Variants in EEF1AKMT1 observed in about 807,000 individuals in gnomAD.
The protein encoded by EEF1AKMT1 is N-6 adenine-specific DNA methyltransferase 2 (putative).
Under a neutral mutation model 21.0 loss-of-function variants are expected in EEF1AKMT1, and 18 were observed. The observed-to-expected ratio is 0.86, with a 90% CI of 0.59 to 1.27. The LOEUF (loss-of-function observed/expected upper bound fraction) is 1.27. Ranked by LOEUF, EEF1AKMT1 falls within the 50% of genes most tolerant of loss-of-function variation. The pLI, the probability that EEF1AKMT1 is intolerant of heterozygous loss-of-function variation, is 0.00. For missense variants in EEF1AKMT1, 246 were observed against 258.6 expected (o/e 0.95, Z 0.33); for synonymous variants, 109 against 94.8 (o/e 1.15, Z -0.87).
intron 1 of EEF1AKMT1, among the ~76,000 whole-genome samples, chr13:20,771,323 C>G (rs1463291352): frequency 6.6e-6 from 1 of 152,138 alleles, no homozygotes; most frequent in Non-Finnish European, 1.5e-5. Flanking sequence ...TTCCAAAGAG[C>G]AATTTAATAA....
intron 4 of EEF1AKMT1, 99 bp downstream of exon 4, chr13:20,731,742 G>A: frequency 1.6e-6 from 2 of 1,235,246 alleles, no homozygotes; most frequent in South Asian, 2.9e-5. Flanking sequence ...TTGTTCACAA[G>A]TCACACAGGA....
At chr13:20,734,478 A>G (rs79461937) in intron 3 of EEF1AKMT1, among the ~76,000 whole-genome samples, 1,920 of 152,360 alleles carry the variant, frequency 0.013, 45 homozygotes, top group African/African-American at 0.044. Context: ...TTGCACAGAG[A>G]TACGAGGATA....
At chr13:20,731,209 G>T (rs1280519613) in intron 4 of EEF1AKMT1, among the ~76,000 whole-genome samples, 1 of 152,184 alleles carries the variant, frequency 6.6e-6, no homozygotes, top group Admixed American at 6.5e-5. Context: ...ATGGAGTCTT[G>T]CTGTGTTGCC....
At position 20,730,829 on chromosome 13, in the gene EEF1AKMT1, GC is replaced by G. The variant is rs2058789151; in HGVS notation, c.508+1011del. On this transcript the variant is annotated intron_variant, in intron 4 of 4. Transcript: ENST00000382758. ...GGGAATAAAAGCTGGCCACCCCGCA[GC>G]CAGCAGTGCAACCAGGTGTTGTCCT... Among the ~76,000 whole-genome samples the G allele has an allele frequency of 9.8e-5, 15 of 152,330 alleles. No homozygotes were observed. The South Asian group carries it at 2.9e-3, about 29-fold the overall frequency.
intron 1 of EEF1AKMT1, among the ~76,000 whole-genome samples, chr13:20,767,347 T>G (rs2059041052): frequency 6.8e-6 from 1 of 146,818 alleles, no homozygotes; most frequent in Non-Finnish European, 1.5e-5. Flanking sequence ...TTCCAGCTGG[T>G]GTCATTTTCC....
chr13:20,739,177 T>C (rs866650215), intron 2 of EEF1AKMT1, among the ~76,000 whole-genome samples: 1 of 152,144 alleles, frequency 6.6e-6, no homozygotes, highest in Non-Finnish European at 1.5e-5. Context: ...AGTTGTTCTT[T>C]GCTCCCAGTG....
At chr13:20,747,459 A>G (rs2058911671) in intron 2 of EEF1AKMT1, 1 of 65,718 alleles carries the variant, frequency 1.5e-5, no homozygotes, top group Non-Finnish European at 3.2e-5. Flanking sequence ...AGTTAGGCAC[A>G]TTCTTTTTTT....
rs750094631 is a variant in EEF1AKMT1 at position 20,748,726 on chromosome 13, G to GTTTTTTTTTTTTTTTT, written c.144+8713_144+8728dup. On this transcript the variant is annotated intron_variant, in intron 2 of 4. Coordinates refer to ENST00000382758, the MANE Select transcript of EEF1AKMT1 (RefSeq NM_001318939.2). ...CCTAATGTATAGTTGTTTTTTTTTG[G>GTTTTTTTTTTTTTTTT]TTTTTTTTTTTTTTTTTTTTTGAGA... is the stretch of plus-strand genomic sequence containing the variant. Among the ~76,000 whole-genome samples the GTTTTTTTTTTTTTTTT allele has an allele frequency of 8.4e-4, 61 of 72,608 alleles. 1 individual carries two copies. Among genetic ancestry groups the GTTTTTTTTTTTTTTTT allele is most frequent in the African/African-American group, 2.0e-3 (32 of 15,788 alleles). 47.6% of individuals were successfully genotyped at this position (72,608 alleles called of 152,430 possible).
At chr13:20,748,533 C>A (rs1352834838) in intron 2 of EEF1AKMT1, among the ~76,000 whole-genome samples, 3 of 151,890 alleles carry the variant, frequency 2.0e-5, no homozygotes, top group African/African-American at 7.3e-5. Context: ...TCCTCAGAAG[C>A]AACCATTTTC....
chr13:20,759,434 G>A (rs573930344), intron 1 of EEF1AKMT1, among the ~76,000 whole-genome samples: 3 of 152,020 alleles, frequency 2.0e-5, no homozygotes, highest in South Asian at 2.1e-4. Context: ...CAAACAATTC[G>A]CCAGGCATGG....
At chr13:20,751,879 T>C (rs1168450254) in intron 2 of EEF1AKMT1, among the ~76,000 whole-genome samples, 1 of 152,194 alleles carries the variant, frequency 6.6e-6, no homozygotes, top group Non-Finnish European at 1.5e-5. Context: ...GTTAAATTTA[T>C]TACTAGGTAT....
chr13:20,737,781 G>T lies in EEF1AKMT1; in HGVS notation c.169C>A (p.Gln57Lys). 2 of 1,612,816 alleles carry T rather than the reference G, an allele frequency of 1.2e-6. No homozygotes were observed. The highest frequency in any genetic ancestry group is 1.7e-6 in the Non-Finnish European group (2 of 1,179,430). ...TGTGCCAGCTGCAGAGCAGTTTCCTGACTATACCAAAACTGGCTCAGTTGC... is the reference window on the plus strand; with the variant it reads ...TGTGCCAGCTGCAGAGCAGTTTCCTTACTATACCAAAACTGGCTCAGTTGC... ...NWQLSQFWYSQETALQLAQEA... is the reference protein window; with the variant it reads ...NWQLSQFWYSKETALQLAQEA... Residue 57 changes from glutamine to lysine, a missense_variant, in exon 3 of 5, where the codon CAG becomes AAG. Transcript: ENST00000382758.
chr13:20,765,405 GTTTTTTTTTT>G (rs1171165259), intron 1 of EEF1AKMT1, among the ~76,000 whole-genome samples: 15 of 58,678 alleles, frequency 2.6e-4, no homozygotes, highest in South Asian at 8.1e-4. Flanking sequence ...CTTCCCTTGG[GTTTTTTTTTT>G]TTTTTTTTTT....
In EEF1AKMT1 at chr13:20,745,240, G is replaced by A. The variant is rs550250099; in HGVS notation, c.145-7435C>T. On this transcript the variant is annotated intron_variant, in intron 2 of 4. Coordinates refer to ENST00000382758, the MANE Select transcript of EEF1AKMT1 (RefSeq NM_001318939.2). Reference sequence around the variant, plus strand: ...AAAGAAAGTCAATGGTAGCTTGATGGGAATAGCATAGAATCTATAAATTAC... The same window carrying A: ...AAAGAAAGTCAATGGTAGCTTGATGAGAATAGCATAGAATCTATAAATTAC... Among the ~76,000 whole-genome samples the A allele has an allele frequency of 1.3e-4, 20 of 152,266 alleles. No individual in the cohort carries two copies. In the South Asian group the frequency reaches 3.9e-3, roughly 30 times the overall value.
chr13:20,754,183 C>G (rs1331421468), intron 2 of EEF1AKMT1, among the ~76,000 whole-genome samples: 1 of 151,992 alleles, frequency 6.6e-6, no homozygotes, highest in Non-Finnish European at 1.5e-5. Context: ...ATTTCCTCAG[C>G]TTTTACTTGT....
At position 20,743,712 on chromosome 13, in the gene EEF1AKMT1, G is replaced by A. The variant is rs1051461824; in HGVS notation, c.145-5907C>T. 8.7e-4 allele frequency among the ~76,000 whole-genome samples: 126 copies of A among 144,792 alleles called. 1 individual carries two copies. Among genetic ancestry groups the A allele is most frequent in the African/African-American group, 3.2e-3 (123 of 38,772 alleles). The allele number at this position is 144,792 out of a possible 152,430, so 95.0% of individuals were successfully genotyped here. Reference sequence around the variant, plus strand: ...TTTTACTTTAAGTTCTGGGATACATGTGCAGAATGTGCAGGTTTGTTGCAT... The same window carrying A: ...TTTTACTTTAAGTTCTGGGATACATATGCAGAATGTGCAGGTTTGTTGCAT... On this transcript the variant is annotated intron_variant, in intron 2 of 4. Transcript: ENST00000382758.
Position 20,731,910 on chromosome 13 carries a change from C to T in EEF1AKMT1, c.439G>A (p.Glu147Lys). 6.2e-7 allele frequency: 1 copy of T among 1,614,160 alleles called. No individual in the cohort carries two copies. Among genetic ancestry groups the T allele is most frequent in the Non-Finnish European group, 8.5e-7 (1 of 1,180,040 alleles). Reference sequence around the variant, plus strand: ...TCCGATGTTTTTCTGAGACATTCCTCCGAAAGATAGGGAGGATCTGCTATT... The same window carrying T: ...TCCGATGTTTTTCTGAGACATTCCTTCGAAAGATAGGGAGGATCTGCTATT... ...IVIADPPYLS[E>K]ECLRKTSETV... is the part of the protein sequence containing the mutation. The change falls in exon 4 of 5, where the codon GAG (glutamate) becomes AAG (lysine). Residue 147 changes from glutamate (E) to lysine (K), a missense_variant. Physicochemically the swap from Glu to Lys is moderately conservative, Grantham distance 56. Transcript: ENST00000382758.
At chr13:20,738,718 A>C (rs1429769264) in intron 2 of EEF1AKMT1, among the ~76,000 whole-genome samples, 2 of 152,264 alleles carry the variant, frequency 1.3e-5, no homozygotes, top group Non-Finnish European at 2.9e-5. Flanking sequence ...TGAACGAAAG[A>C]AATCAGACAC....
rs1380459262 is a variant in EEF1AKMT1 at position 20,739,211 on chromosome 13, G to A, written c.145-1406C>T. ...TGGGTTGGTAACTTCGCTGGTTTCA[G>A]GAGTGAAGCTGGAGACCTTCACGGT... On this transcript the variant is annotated intron_variant, in intron 2 of 4. Transcript: ENST00000382758. 4.6e-5 allele frequency among the ~76,000 whole-genome samples: 7 copies of A among 152,260 alleles called. No individual in the cohort carries two copies. In the South Asian group the frequency reaches 1.2e-3, roughly 27 times the overall value.
Sources: allele counts gnomAD v4.1 joint callset (sites outside exome capture counted in the v4.1 genomes callset), GRCh38; gene constraint gnomAD v4.1.1; transcripts MANE v1.5; gene names NCBI Gene and HGNC (gene_info 2026-07-23, HGNC 2026-07-21).